RNF217: variants seen among roughly 807,000 people sequenced by gnomAD.
RNF217 encodes E3 ubiquitin-protein ligase RNF217.
Under a neutral mutation model 57.8 loss-of-function variants are expected in RNF217, and 31 were observed. That is an observed-to-expected ratio of 0.54 (90% CI 0.40 to 0.72). The LOEUF is 0.72. Among genes scored for constraint, RNF217 ranks in the 30% least tolerant of loss-of-function variants. The probability of loss-of-function intolerance (pLI) is 0.00; values close to 1 mark genes in which losing one functional copy is unlikely to be tolerated. For synonymous variants in RNF217, 313 were observed against 294.0 expected, an observed-to-expected ratio of 1.06 and a Z score of -0.66; for missense variants, 696 against 708.3, an observed-to-expected ratio of 0.98 and a Z score of 0.20.
intron 1 of RNF217, among the ~76,000 whole-genome samples, chr6:124,991,019 A>G (rs1487991380): frequency 1.3e-5 from 2 of 152,174 alleles, no homozygotes; most frequent in Non-Finnish European, 2.9e-5. Context: ...GTGAGCCAAG[A>G]TCACACCACT....
At chr6:125,024,905 A>G (rs1786012911) in intron 1 of RNF217, among the ~76,000 whole-genome samples, 1 of 152,118 alleles carries the variant, frequency 6.6e-6, no homozygotes. Flanking sequence ...CTTGCACTGT[A>G]TATATATGTG....
rs1022165376 is a variant in RNF217, at chr6:124,981,776, T to C, written c.882+18350T>C. Among the ~76,000 whole-genome samples the C allele has an allele frequency of 4.0e-5, 6 of 151,206 alleles. No homozygotes were observed. The East Asian group carries it at 7.8e-4, about 20-fold the overall frequency. The stretch of plus-strand genomic sequence containing the variant: ...ACTCATGCCTATAATCCCAGCACTT[T>C]GGGAGGCCGAGGCAGGCAGACCACT... On this transcript the variant is annotated intron_variant, in intron 1 of 5. Coordinates refer to ENST00000521654, the MANE Select transcript of RNF217 (RefSeq NM_001286398.3).
intron 4 of RNF217, among the ~76,000 whole-genome samples, chr6:125,077,083 A>G (rs1788406005): frequency 6.6e-6 from 1 of 152,164 alleles, no homozygotes; most frequent in South Asian, 2.1e-4. Flanking sequence ...CAGCTTATTA[A>G]TCACACGCAG....
rs1417446792 is a variant in RNF217 at position 125,090,428 on chromosome 6, A to G, written c.*7491A>G. 6.6e-6 allele frequency: 1 copy of G among 152,080 alleles called. No homozygotes were observed. Among genetic ancestry groups the G allele is most frequent in the Non-Finnish European group, 1.5e-5 (1 of 67,876 alleles). 9.4% of individuals were successfully genotyped at this position (152,080 alleles called of 1,614,324 possible). A position where few individuals can be genotyped will look rare whatever the true frequency, so the allele number is the denominator to read the frequency against. On this transcript the variant is annotated 3_prime_UTR_variant, in exon 6 of 6. Transcript: ENST00000521654. ...ATGAAACAAACATTTATATCAATGT[A>G]TATCTATTTCAAAACTGTGGGACAA...
At chr6:125,074,052 A>G (rs936535805) in intron 3 of RNF217, among the ~76,000 whole-genome samples, 1 of 152,138 alleles carries the variant, frequency 6.6e-6, no homozygotes, top group East Asian at 1.9e-4. Context: ...GCAGAAGCTT[A>G]CCTGCCAAGT....
At chr6:125,025,563 GAA>G (rs1786043211) in intron 1 of RNF217, among the ~76,000 whole-genome samples, 1 of 115,390 alleles carries the variant, frequency 8.7e-6, no homozygotes, top group Non-Finnish European at 1.7e-5. Context: ...AGGAAGGAAG[GAA>G]GAAAAGAAGG....
chr6:125,055,397 C>T (rs1787484542), intron 2 of RNF217, among the ~76,000 whole-genome samples: 1 of 152,074 alleles, frequency 6.6e-6, no homozygotes, highest in Admixed American at 6.6e-5. Flanking sequence ...GGACACAAAG[C>T]GTCAGATTCT....
chr6:125,061,733 A>G (rs1388133576), intron 3 of RNF217, among the ~76,000 whole-genome samples: 1 of 151,768 alleles, frequency 6.6e-6, no homozygotes, highest in Non-Finnish European at 1.5e-5. Flanking sequence ...ACACAAGCAC[A>G]TATGTCGTAT....
intron 1 of RNF217, among the ~76,000 whole-genome samples, chr6:125,037,826 A>C (rs925999499): frequency 6.6e-6 from 1 of 152,200 alleles, no homozygotes; most frequent in African/African-American, 2.4e-5. Context: ...ATTTTTCAAA[A>C]CAGAGGAAAT....
chr6:125,052,750 GA>G (rs1288612776), intron 2 of RNF217, among the ~76,000 whole-genome samples: 1 of 151,998 alleles, frequency 6.6e-6, no homozygotes, highest in African/African-American at 2.4e-5. Flanking sequence ...TCATCTTCAA[GA>G]AAAGCATCTT....
intron 5 of RNF217, chr6:125,082,404 G>T (rs1788607254): frequency 6.6e-7 from 1 of 1,525,800 alleles, no homozygotes; most frequent in South Asian, 1.2e-5. Context: ...CTTGCAATGT[G>T]AGTTAGGACA....
chr6:124,998,669 C>T (rs1034298782), intron 1 of RNF217, among the ~76,000 whole-genome samples: 2 of 152,058 alleles, frequency 1.3e-5, no homozygotes, highest in African/African-American at 2.4e-5. Flanking sequence ...AGCATGGTGG[C>T]GTGCACCTGT....
At chr6:124,989,775 T>C (rs1468793948) in intron 1 of RNF217, among the ~76,000 whole-genome samples, 1 of 151,910 alleles carries the variant, frequency 6.6e-6, no homozygotes, top group Admixed American at 6.6e-5. Context: ...ATGGACCAAA[T>C]AATTTACTGA....
At position 125,091,962 on chromosome 6, in the gene RNF217, A is replaced by T. The variant is rs1346629556; in HGVS notation, c.*9025A>T. On this transcript the variant is annotated 3_prime_UTR_variant, in exon 6 of 6. Coordinates refer to ENST00000521654, the MANE Select transcript of RNF217 (RefSeq NM_001286398.3). ...TTATATTCTTTATGTATCATAATAT[A>T]TAATTCAACTTTTCCTGATGAATGT... is the stretch of plus-strand genomic sequence containing the variant. The T allele has an allele frequency of 6.6e-6, 1 of 152,208 alleles. No individual in the cohort carries two copies. The highest frequency in any genetic ancestry group is 6.5e-5 in the Admixed American group (1 of 15,272). The allele number at this position is 152,208 out of a possible 1,614,324, so 9.4% of individuals were successfully genotyped here.
chr6:125,040,997 G>A (rs1786857981), intron 1 of RNF217, among the ~76,000 whole-genome samples: 1 of 151,994 alleles, frequency 6.6e-6, no homozygotes. Flanking sequence ...ATACTGAATG[G>A]ACAAAAGCTG....
At chr6:125,067,833 C>T (rs745824569) in intron 3 of RNF217, among the ~76,000 whole-genome samples, 3 of 151,978 alleles carry the variant, frequency 2.0e-5, no homozygotes, top group Non-Finnish European at 2.9e-5. Flanking sequence ...AGTGATCACT[C>T]AAGGAGCAAA....
At chr6:124,988,305 G>A (rs1180828654) in intron 1 of RNF217, among the ~76,000 whole-genome samples, 1 of 152,074 alleles carries the variant, frequency 6.6e-6, no homozygotes, top group African/African-American at 2.4e-5. Context: ...ATGGTCTATG[G>A]CAGTTTTTCG....
At chr6:125,022,794 T>C (rs1252758412) in intron 1 of RNF217, among the ~76,000 whole-genome samples, 3 of 152,150 alleles carry the variant, frequency 2.0e-5, no homozygotes, top group Admixed American at 6.5e-5. Flanking sequence ...TCCTTCCCTT[T>C]AATTTATGTC....
rs1283129477 is a variant in RNF217, at chr6:125,087,902, A to G, written c.*4965A>G. On this transcript the variant is annotated 3_prime_UTR_variant, in exon 6 of 6. Coordinates refer to ENST00000521654, the MANE Select transcript of RNF217 (RefSeq NM_001286398.3). ...ATCTCCCTCACTAAAAATATGATCA[A>G]TCAAAACTACCAGTTTTGCACACCA... 1 of 152,042 alleles carries G rather than the reference A, an allele frequency of 6.6e-6. No homozygotes were observed. The highest frequency in any genetic ancestry group is 1.5e-5 in the Non-Finnish European group (1 of 67,978). 9.4% of individuals were successfully genotyped at this position (152,042 alleles called of 1,614,324 possible).
Sources: gnomAD v4.1 joint callset for allele counts (sites outside exome capture counted in the v4.1 genomes callset) on GRCh38, gnomAD v4.1.1 for gene constraint, MANE v1.5 for transcripts, NCBI Gene and HGNC (gene_info 2026-07-23, HGNC 2026-07-21) for gene names.